The following SPATA6 variants were observed in gnomAD, a reference collection of about 807,000 sequenced individuals.
The protein encoded by SPATA6 is spermatogenesis-associated protein 6.
A neutral mutation model predicts 65.3 loss-of-function variants in SPATA6; 56 were observed. That is an observed-to-expected ratio of 0.86 (90% CI 0.69 to 1.07). The LOEUF (loss-of-function observed/expected upper bound fraction) is 1.07, where lower values mean the gene tolerates loss of function less well. SPATA6 is among the 50% of genes least tolerant of loss of function. The pLI is 0.00. For missense variants in SPATA6, 590 were observed against 594.8 expected, an observed-to-expected ratio of 0.99 and a Z score of 0.08; for synonymous variants, 199 against 213.2, an observed-to-expected ratio of 0.93 and a Z score of 0.58.
intron 1 of SPATA6, among the ~76,000 whole-genome samples, chr1:48,455,805 A>G (rs1656957805): frequency 1.3e-5 from 2 of 152,312 alleles, no homozygotes; most frequent in South Asian, 4.1e-4. Context: ...AAACTGCTGA[A>G]GCTCTATCCA....
chr1:48,465,962 A>G (rs1299880464), intron 1 of SPATA6, among the ~76,000 whole-genome samples: 2 of 152,196 alleles, frequency 1.3e-5, no homozygotes, highest in African/African-American at 4.8e-5. Context: ...AATTATAAAC[A>G]GGTTTTTCAT....
intron 11 of SPATA6, among the ~76,000 whole-genome samples, chr1:48,352,037 T>C (rs2148796458): frequency 6.6e-6 from 1 of 152,190 alleles, no homozygotes; most frequent in East Asian, 1.9e-4. Flanking sequence ...TACCTGAGAA[T>C]GGGCAATTTA....
chr1:48,400,894 A>G, intron 6 of SPATA6: 2 of 1,155,668 alleles, frequency 1.7e-6, no homozygotes, highest in Non-Finnish European at 2.2e-6. Flanking sequence ...TATCCATTTC[A>G]CCCATCTCTG....
At chr1:48,386,851 C>T (rs1649523704) in intron 8 of SPATA6, among the ~76,000 whole-genome samples, 1 of 152,154 alleles carries the variant, frequency 6.6e-6, no homozygotes, top group African/African-American at 2.4e-5. Flanking sequence ...TTTAGAACTC[C>T]CTCCCCTACA....
At chr1:48,393,958 T>C (rs192977510) in intron 8 of SPATA6, among the ~76,000 whole-genome samples, 14 of 152,212 alleles carry the variant, frequency 9.2e-5, no homozygotes, top group Admixed American at 9.2e-4. Context: ...TATTAGGGGC[T>C]AGGGCTTCAA....
intron 3 of SPATA6, among the ~76,000 whole-genome samples, chr1:48,448,492 GAAAA>G (rs199827948): frequency 1.5e-5 from 2 of 136,668 alleles, no homozygotes; most frequent in Admixed American, 7.2e-5. Flanking sequence ...GTCCCCACAG[GAAAA>G]AAAAAAAAAA....
At chr1:48,434,978 T>G (rs1305859516) in intron 3 of SPATA6, among the ~76,000 whole-genome samples, 2 of 150,822 alleles carry the variant, frequency 1.3e-5, no homozygotes, top group African/African-American at 2.4e-5. Flanking sequence ...TATTAATTTA[T>G]GTAATATAAT....
chr1:48,426,960 C>T (rs1481331109), intron 3 of SPATA6, among the ~76,000 whole-genome samples: 1 of 151,594 alleles, frequency 6.6e-6, no homozygotes, highest in Non-Finnish European at 1.5e-5. Context: ...GGGTCTCACT[C>T]TGTAACCCAG....
chr1:48,344,525 T>C (rs567607668), intron 11 of SPATA6, among the ~76,000 whole-genome samples: 1 of 152,166 alleles, frequency 6.6e-6, no homozygotes, highest in East Asian at 1.9e-4. Flanking sequence ...AATACACACA[T>C]ATAAACACTA....
chr1:48,423,564 C>CTT (rs781669150), intron 3 of SPATA6, among the ~76,000 whole-genome samples: 5,641 of 121,008 alleles, frequency 0.047, 333 homozygotes, highest in African/African-American at 0.098. Context: ...TTCTTTCTTT[C>CTT]TTTTTTTTTT....
rs528680932 is a variant in SPATA6 at position 48,460,908 on chromosome 1, T to TA, written c.52-7778dup. 9.1e-3 allele frequency among the ~76,000 whole-genome samples: 1,365 copies of TA among 150,098 alleles called. 27 individuals carry two copies. The highest frequency in any genetic ancestry group is 0.051 in the South Asian group (242 of 4,764). On this transcript the variant is annotated intron_variant, in intron 1 of 12. Transcript: ENST00000371847. Reference sequence around the variant, plus strand: ...AAACAATAAGTTTTTTTTTTAATGTTAAAAAAAAAGCATTTAGGAGCCTCT... The same window carrying TA: ...AAACAATAAGTTTTTTTTTTAATGTTAAAAAAAAAAGCATTTAGGAGCCTCT...
intron 9 of SPATA6, among the ~76,000 whole-genome samples, chr1:48,368,267 T>C (rs1647099594): frequency 6.6e-6 from 1 of 152,132 alleles, no homozygotes; most frequent in South Asian, 2.1e-4. Flanking sequence ...CTGACAATTA[T>C]GTGTCTTGGA....
chr1:48,283,156 G>T, the SPATA6 span, among the ~76,000 whole-genome samples: 1 of 136,440 alleles, frequency 7.3e-6, no homozygotes, highest in Non-Finnish European at 1.5e-5. Flanking sequence ...ACACAGGAAG[G>T]GGAACATCAC....
intron 3 of SPATA6, among the ~76,000 whole-genome samples, chr1:48,421,166 T>C (rs372996940): frequency 5.3e-5 from 8 of 152,142 alleles, no homozygotes; most frequent in African/African-American, 1.7e-4. Context: ...ATGTATGGTA[T>C]ATTTCAAAAT....
At chr1:48,443,758 T>C (rs945587085) in intron 3 of SPATA6, among the ~76,000 whole-genome samples, 4 of 152,250 alleles carry the variant, frequency 2.6e-5, no homozygotes, top group African/African-American at 9.6e-5. Context: ...TTGGGCGACA[T>C]GACTTCTTCC....
intron 11 of SPATA6, chr1:48,325,091 G>A: frequency 2.3e-6 from 1 of 428,968 alleles, no homozygotes; most frequent in Non-Finnish European, 4.4e-6. Context: ...TATCAGTAAG[G>A]AAGATGTGGG....
chr1:48,337,228 T>C (rs1646084894), intron 11 of SPATA6, among the ~76,000 whole-genome samples: 1 of 151,882 alleles, frequency 6.6e-6, no homozygotes, highest in Non-Finnish European at 1.5e-5. Flanking sequence ...AATGTGACCA[T>C]GGTTTAAGAC....
intron 11 of SPATA6, among the ~76,000 whole-genome samples, chr1:48,344,796 A>G (rs1208247798): frequency 6.6e-6 from 1 of 152,210 alleles, no homozygotes; most frequent in Non-Finnish European, 1.5e-5. Flanking sequence ...ACATAATGGT[A>G]AAGGGGACAA....
chr1:48,315,629 C>G lies in SPATA6; in HGVS notation c.1195-9751G>C, dbSNP rs181269398. 5.5e-3 allele frequency among the ~76,000 whole-genome samples: 843 copies of G among 152,220 alleles called. 26 individuals carry two copies. The highest frequency in any genetic ancestry group is 0.049 in the Admixed American group (743 of 15,288). On this transcript the variant is annotated intron_variant, in intron 11 of 12. Transcript: ENST00000371847. Reference sequence around the variant, plus strand: ...GAAGCATTCCCTTTGAAAACTGGCACAAGACAGGGATGCCCTCTCTCACCA... The same window carrying G: ...GAAGCATTCCCTTTGAAAACTGGCAGAAGACAGGGATGCCCTCTCTCACCA...
Sources: allele counts gnomAD v4.1 joint callset (sites outside exome capture counted in the v4.1 genomes callset), GRCh38; gene constraint gnomAD v4.1.1; transcripts MANE v1.5; gene names NCBI Gene and HGNC (gene_info 2026-07-23, HGNC 2026-07-21).